Variants in TTC24 observed in about 807,000 individuals in gnomAD.
TTC24 encodes the protein tetratricopeptide repeat domain 24.
TTC24 carries 54 observed loss-of-function variants against 63.3 expected under a neutral mutation model. The ratio of observed to expected loss-of-function variants is 0.85; its 90% CI spans 0.69 to 1.07. TTC24 has a LOEUF of 1.07. Among genes scored for constraint, TTC24 ranks in the 50% least tolerant of loss-of-function variants. The pLI, the probability that TTC24 is intolerant of heterozygous loss-of-function variation, is 0.00. For synonymous variants in TTC24, 276 were observed against 304.3 expected (o/e 0.91, Z 0.97); for missense variants, 680 against 730.5 (o/e 0.93, Z 0.80).
At chr1:156,581,275 G>A in intron 1 of TTC24, 86 bp from the exon 2 acceptor site, 4 of 938,366 alleles carry the variant, frequency 4.3e-6, no homozygotes, top group Non-Finnish European at 6.3e-6. Flanking sequence ...GCTAGGGCAG[G>A]GGTAGAGCTG....
chr1:156,582,399 C>T lies in TTC24; in HGVS notation c.875C>T (p.Ala292Val). The T allele has an allele frequency of 6.2e-7, 1 of 1,613,896 alleles. No individual in the cohort carries two copies. Among genetic ancestry groups the T allele is most frequent in the Non-Finnish European group, 8.5e-7 (1 of 1,179,852 alleles). Reference sequence around the variant, plus strand: ...AATGCCCTCGGCAACTATCAGGAAGCTCGGGAGTTTCACCAGAAGGCTGCT... The same window carrying T: ...AATGCCCTCGGCAACTATCAGGAAGTTCGGGAGTTTCACCAGAAGGCTGCT... ...AHNALGNYQEAREFHQKAADL... is the reference protein window; with the variant it reads ...AHNALGNYQEVREFHQKAADL... Residue 292 changes from alanine (A) to valine (V), a missense_variant, in exon 3 of 11, where the codon GCT (alanine) becomes GTT (valine). Physicochemically the swap from Ala to Val is moderately conservative, Grantham distance 64. Transcript: ENST00000368236.
intron 1 of TTC24, 148 bp from the exon 2 acceptor site, chr1:156,581,213 G>A: frequency 1.7e-6 from 1 of 574,334 alleles, no homozygotes; most frequent in South Asian, 3.0e-5. Flanking sequence ...CAATGGGACA[G>A]AAGAAACAAA....
chr1:156,583,853 G>A lies in TTC24; in HGVS notation c.1209G>A (p.Arg403=), dbSNP rs745548413. 3.8e-6 allele frequency: 6 copies of A among 1,584,754 alleles called. No homozygotes were observed. Among genetic ancestry groups the A allele is most frequent in the Non-Finnish European group, 3.4e-6 (4 of 1,166,694 alleles). Residue 403 remains arginine, a synonymous_variant, in exon 6 of 11, where the codon AGG becomes AGA. Coordinates refer to ENST00000368236, the MANE Select transcript of TTC24 (RefSeq NM_001105669.4). This position sits in a 1 kb window ranked among gnomAD's most constrained non-coding sequence, Gnocchi z 4.0. ...TGGCCAAGCTGGCAGACACCGTGAGGACGCGCTTGGCCCAGGTGGGGCTGG... is the reference window on the plus strand; with the variant it reads ...TGGCCAAGCTGGCAGACACCGTGAGAACGCGCTTGGCCCAGGTGGGGCTGG... The part of the protein sequence containing the change: ...RLVAKLADTV[R]TRLAQVGLVQ...
chr1:156,584,082 G>A (rs1199337176), intron 6 of TTC24, among the ~76,000 whole-genome samples, 187 bp downstream of exon 6: 1 of 152,154 alleles, frequency 6.6e-6, no homozygotes, highest in Non-Finnish European at 1.5e-5. Context: ...GGGGACTGTG[G>A]CACGTCTCCA....
rs1216076097 is a variant in TTC24 at position 156,583,128 on chromosome 1, A to G, written c.997A>G (p.Arg333Gly). ...LSQLGDHKAA[R>G]DNYLHALQAA... ...CCAGCTGGGGGACCACAAGGCTGCC[A>G]GAGACAACTACCTGCATGCCCTGCA... The change falls in exon 4 of 11, where the codon AGA becomes GGA. Residue 333 changes from arginine to glycine, a missense_variant. Coordinates refer to ENST00000368236, the MANE Select transcript of TTC24 (RefSeq NM_001105669.4). The surrounding 1 kb of genome is among the most constrained non-coding windows in gnomAD (Gnocchi z 4.0). 2.5e-6 allele frequency: 4 copies of G among 1,613,522 alleles called. No homozygotes were observed. In the East Asian group the frequency reaches 6.7e-5, roughly 27 times the overall value.
At chr1:156,586,394 C>A in intron 10 of TTC24, 75 bp from the exon 11 acceptor site, 3 of 1,326,178 alleles carry the variant, frequency 2.3e-6, no homozygotes, top group Admixed American at 2.0e-5. Context: ...CAGAGGGAAG[C>A]TGAGGCCAAG....
chr1:156,584,782 T>C (rs1237837210), intron 6 of TTC24, 95 bp from the exon 7 acceptor site: 3 of 753,998 alleles, frequency 4.0e-6, no homozygotes, highest in South Asian at 5.2e-5. Context: ...AGAGCCCGAA[T>C]TGTCTCTATC....
intron 8 of TTC24, 151 bp downstream of exon 8, chr1:156,585,382 AC>A: frequency 3.2e-6 from 2 of 621,264 alleles, no homozygotes; most frequent in South Asian, 2.1e-5. Context: ...ACCTCGCGCC[AC>A]CCCTGACCCT....
At chr1:156,584,313 C>G (rs1422768899) in intron 6 of TTC24, among the ~76,000 whole-genome samples, 1 of 152,118 alleles carries the variant, frequency 6.6e-6, no homozygotes, top group African/African-American at 2.4e-5. Context: ...TTCCAAGTCT[C>G]TGCTTTAACC....
intron 6 of TTC24, among the ~76,000 whole-genome samples, chr1:156,584,276 C>G (rs1233082556): frequency 2.0e-5 from 3 of 152,062 alleles, no homozygotes; most frequent in African/African-American, 7.2e-5. Context: ...GAGGTCATTT[C>G]TCTGTGGGTC....
Position 156,585,765 on chromosome 1 carries a change from C to T in TTC24, c.1509C>T (p.Cys503=). ...ATTCGCACCATCTAGCTTCTAGTTG[C>T]CCCACGTTTACCAAGCACACGCCCT... ...VNHSHHLASS[C]PTFTKHTPCR... Residue 503 remains cysteine, a synonymous_variant, in exon 9 of 11, where the codon TGC becomes TGT. Coordinates refer to ENST00000368236, the MANE Select transcript of TTC24 (RefSeq NM_001105669.4). 1.2e-6 allele frequency: 2 copies of T among 1,613,958 alleles called. No individual in the cohort carries two copies. Among genetic ancestry groups the T allele is most frequent in the East Asian group, 2.2e-5 (1 of 44,882 alleles).
At position 156,586,105 on chromosome 1, in the gene TTC24, C is replaced by T. The variant is rs542093938; in HGVS notation, c.1667+60C>T. On this transcript the variant is annotated intron_variant, in intron 10 of 10. Transcript: ENST00000368236. ...ATAGCAAAAAAAGTAGAATGTGTGG[C>T]TTGGGATGATTTTAATGAAACACGA... The T allele has an allele frequency of 2.5e-5, 30 of 1,222,458 alleles. No homozygotes were observed. The East Asian group carries it at 7.1e-4, about 29-fold the overall frequency. The allele number at this position is 1,222,458 out of a possible 1,614,324, so 75.7% of individuals were successfully genotyped here.
In TTC24 at chr1:156,585,938, T is replaced by C; in HGVS notation, c.1571-11T>C. 6.2e-7 allele frequency: 1 copy of C among 1,603,990 alleles called. No homozygotes were observed. Among genetic ancestry groups the C allele is most frequent in the Non-Finnish European group, 8.5e-7 (1 of 1,174,100 alleles). On this transcript the variant is annotated splice_polypyrimidine_tract_variant and intron_variant, in intron 9 of 10. Transcript: ENST00000368236. The stretch of plus-strand genomic sequence containing the variant: ...GGCACGTGATGAATGTGTCTGTCCT[T>C]CTCCATCTAGGTCCAGGACCCAGGG...
chr1:156,581,924 A>G lies in TTC24; in HGVS notation c.560A>G (p.Glu187Gly). 7.1e-6 allele frequency: 11 copies of G among 1,546,314 alleles called. No individual in the cohort carries two copies. Among genetic ancestry groups the G allele is most frequent in the Non-Finnish European group, 9.6e-6 (11 of 1,144,924 alleles). ...GAAGCAAGCCAGGCCTATGCTCAAG[A>G]GAGACAGCTGCGGGCCGCAGCCCTG... ...LQEASQAYAQ[E>G]RQLRAAALAL... Residue 187 changes from glutamate (E) to glycine (G), a missense_variant, in exon 2 of 11, where the codon GAG (glutamate) becomes GGG (glycine). Coordinates refer to ENST00000368236, the MANE Select transcript of TTC24 (RefSeq NM_001105669.4).
intron 1 of TTC24, 80 bp from the exon 2 acceptor site, chr1:156,581,281 A>G: frequency 9.9e-7 from 1 of 1,009,426 alleles, no homozygotes; most frequent in Non-Finnish European, 1.4e-6. Context: ...GCAGGGGTAG[A>G]GCTGAATTGC....
chr1:156,585,847 C>T, intron 9 of TTC24, 21 bp downstream of exon 9: 1 of 1,598,134 alleles, frequency 6.3e-7, no homozygotes, highest in Non-Finnish European at 8.6e-7. Flanking sequence ...CATCCCCTGA[C>T]ACCGCCCCAA....
chr1:156,584,399 C>T (rs1325102824), intron 6 of TTC24: 1 of 158,970 alleles, frequency 6.3e-6, no homozygotes, highest in Non-Finnish European at 1.4e-5. Flanking sequence ...TCAGACAACC[C>T]CAGAAAACCT....
chr1:156,585,046 A>G (rs1677115077), intron 7 of TTC24, 72 bp downstream of exon 7: 3 of 1,524,096 alleles, frequency 2.0e-6, no homozygotes, highest in South Asian at 1.2e-5. Flanking sequence ...GCAGTGGGGT[A>G]GGACCCCATG....
Position 156,583,867 on chromosome 1 carries a change from A to G in TTC24, c.1223A>G (p.Gln408Arg). ...LADTVRTRLA[Q>R]VGLVQTHTLT... ...GACACCGTGAGGACGCGCTTGGCCC[A>G]GGTGGGGCTGGTCCAGACTCACACC... The change falls in exon 6 of 11, where the codon CAG (glutamine) becomes CGG (arginine). Residue 408 changes from glutamine to arginine, a missense_variant. Coordinates refer to ENST00000368236, the MANE Select transcript of TTC24 (RefSeq NM_001105669.4). This position sits in a 1 kb window ranked among gnomAD's most constrained non-coding sequence, Gnocchi z 4.0. 1.3e-6 allele frequency: 2 copies of G among 1,583,812 alleles called. No homozygotes were observed. The highest frequency in any genetic ancestry group is 2.3e-5 in the South Asian group (2 of 86,126).
Sources: allele counts gnomAD v4.1 joint callset (sites outside exome capture counted in the v4.1 genomes callset), GRCh38; gene constraint gnomAD v4.1.1; non-coding constraint Gnocchi (gnomAD v3.1); transcripts MANE v1.5; gene names NCBI Gene and HGNC (gene_info 2026-07-23, HGNC 2026-07-21).